Variants in CELSR1 observed in about 807,000 individuals in gnomAD.
The protein encoded by CELSR1 is adhesion G protein-coupled receptor C1.
Under a neutral mutation model 249.1 loss-of-function variants are expected in CELSR1, and 110 were observed. The observed-to-expected ratio is 0.44, with a 90% CI of 0.38 to 0.52. The LOEUF (loss-of-function observed/expected upper bound fraction) is 0.52, where lower values mean the gene tolerates loss of function less well. Among genes scored for constraint, CELSR1 ranks in the 20% least tolerant of loss-of-function variants. The pLI, the probability that CELSR1 is intolerant of heterozygous loss-of-function variation, is 0.00. For missense variants in CELSR1, 4,109 were observed against 4,296.4 expected, an observed-to-expected ratio of 0.96 and a Z score of 1.22; for synonymous variants, 2,113 against 1,900.0, an observed-to-expected ratio of 1.11 and a Z score of -2.92.
In CELSR1 at chr22:46,437,923, T is replaced by G. The variant is rs369487161; in HGVS notation, c.4406+1266A>C. Among the ~76,000 whole-genome samples the G allele has an allele frequency of 9.9e-5, 15 of 152,268 alleles. No homozygotes were observed. The East Asian group carries it at 2.5e-3, about 25-fold the overall frequency. On this transcript the variant is annotated intron_variant, in intron 3 of 34. Coordinates refer to ENST00000674500, the MANE Select transcript of CELSR1 (RefSeq NM_001378328.1). The surrounding 1 kb of genome is among the most constrained non-coding windows in gnomAD (Gnocchi z 4.9). ...CTTAATGACGACGGGACCAACTCAG[T>G]GCAGGCTTGTTTCCTGAGACTCAGC... is the stretch of plus-strand genomic sequence containing the variant.
Position 46,398,425 on chromosome 22 carries a change from A to T in CELSR1, c.5526+99T>A, listed in dbSNP as rs149547439. On this transcript the variant is annotated intron_variant, in intron 11 of 34. Transcript: ENST00000674500. This position sits in a 1 kb window ranked among gnomAD's most constrained non-coding sequence, Gnocchi z 7.2. ...TCAGACAAATTCTTCACTCGTTGAA[A>T]GCTAACAGGTTGACCAACGGAACCA... 95 of 752,058 alleles carry T rather than the reference A, an allele frequency of 1.3e-4. No homozygotes were observed. The Middle Eastern group carries it at 1.6e-3, about 13-fold the overall frequency. The allele number at this position is 752,058 out of a possible 1,614,324, so 46.6% of individuals were successfully genotyped here.
At position 46,468,367 on chromosome 22, in the gene CELSR1, C is replaced by T. The variant is rs966389036; in HGVS notation, c.3545-4022G>A. ...TACCACTGCACTCCAGCCTGGGCAACAAAGCAAGACTCTGTCTCAAAAAAA... is the reference window on the plus strand; with the variant it reads ...TACCACTGCACTCCAGCCTGGGCAATAAAGCAAGACTCTGTCTCAAAAAAA... On this transcript the variant is annotated intron_variant, in intron 1 of 34. Coordinates refer to ENST00000674500, the MANE Select transcript of CELSR1 (RefSeq NM_001378328.1). The surrounding 1 kb of genome is among the most constrained non-coding windows in gnomAD (Gnocchi z 4.5). 2.0e-4 allele frequency among the ~76,000 whole-genome samples: 26 copies of T among 132,634 alleles called. No individual in the cohort carries two copies. The highest frequency in any genetic ancestry group is 7.0e-4 in the African/African-American group (24 of 34,420). The allele number at this position is 132,634 out of a possible 152,430, so 87.0% of individuals were successfully genotyped here.
intron 20 of CELSR1, among the ~76,000 whole-genome samples, chr22:46,382,988 T>C (rs2078995593): frequency 6.6e-6 from 1 of 152,244 alleles, no homozygotes; most frequent in African/African-American, 2.4e-5. Context: ...TGATGCAGTT[T>C]GGATGTGTGG....
chr22:46,409,826 G>A lies in CELSR1; in HGVS notation c.4988C>T (p.Thr1663Ile). Residue 1663 changes from threonine (T) to isoleucine (I), a missense_variant, in exon 8 of 35, where the codon ACC becomes ATC. By Grantham distance (89) the Thr-to-Ile change is moderately conservative (BLOSUM62 -1). This residue lies in a region of CELSR1 where 453 missense variants were observed against 492.0 expected (regional missense o/e 0.92). Transcript: ENST00000674500. This position sits in a 1 kb window ranked among gnomAD's most constrained non-coding sequence, Gnocchi z 9.8. ...CDGRRCQNGG[T>I]CVNRWNMYLC... ...ATACATATTCCACCTGTTGACACAG[G>A]TGCCTCCATTCTGACACCGCCTCCC... The A allele has an allele frequency of 6.2e-7, 1 of 1,613,984 alleles. No individual in the cohort carries two copies. Among genetic ancestry groups the A allele is most frequent in the Non-Finnish European group, 8.5e-7 (1 of 1,180,028 alleles).
At chr22:46,507,103 T>C (rs1476936331) in intron 1 of CELSR1, among the ~76,000 whole-genome samples, 1 of 152,090 alleles carries the variant, frequency 6.6e-6, no homozygotes, top group East Asian at 1.9e-4. Flanking sequence ...GGAGGATCGC[T>C]TGAACCAGGG....
chr22:46,420,429 C>T (rs1378194763), intron 5 of CELSR1, among the ~76,000 whole-genome samples: 1 of 152,162 alleles, frequency 6.6e-6, no homozygotes, highest in Admixed American at 6.5e-5. Context: ...CACACGTGCA[C>T]ACACCCACAC....
chr22:46,368,042 G>A (rs555549973), intron 27 of CELSR1, among the ~76,000 whole-genome samples, 187 bp from the exon 28 acceptor site: 7 of 152,302 alleles, frequency 4.6e-5, no homozygotes, highest in African/African-American at 1.2e-4. Flanking sequence ...GACTCATCCG[G>A]GAACCAGACA....
chr22:46,381,958 G>A lies in CELSR1; in HGVS notation c.6976C>T (p.Arg2326Trp), dbSNP rs375174521. Residue 2326 changes from arginine (R) to tryptophan (W), a missense_variant, in exon 21 of 35, where the codon CGG (arginine) becomes TGG (tryptophan). Arg to Trp is a moderately radical substitution (Grantham distance 101). Transcript: ENST00000674500. This position sits in a 1 kb window ranked among gnomAD's most constrained non-coding sequence, Gnocchi z 6.0. Reference protein sequence around the residue: ...GTEREAPISRRRRHPDDAGQF... With the variant: ...GTEREAPISRWRRHPDDAGQF... Reference sequence around the variant, plus strand: ...CCAGCGTCATCAGGGTGTCGCCTCCGCCTGCTGATCGGGGCCTCCCTCTCG... The same window carrying A: ...CCAGCGTCATCAGGGTGTCGCCTCCACCTGCTGATCGGGGCCTCCCTCTCG... 9.0e-5 allele frequency: 141 copies of A among 1,564,742 alleles called. No individual in the cohort carries two copies. The highest frequency in any genetic ancestry group is 1.3e-4 in the Admixed American group (7 of 53,880).
In CELSR1 at chr22:46,410,362, C is replaced by G; in HGVS notation, c.4933+36G>C. On this transcript the variant is annotated intron_variant, in intron 7 of 34. Transcript: ENST00000674500. The surrounding 1 kb of genome is among the most constrained non-coding windows in gnomAD (Gnocchi z 6.8). ...GCTGCCGACGTCCAGCCAGATGCCACTGCGGCAGCTCCGACGCCCTGACGG... is the reference window on the plus strand; with the variant it reads ...GCTGCCGACGTCCAGCCAGATGCCAGTGCGGCAGCTCCGACGCCCTGACGG... The G allele has an allele frequency of 6.3e-7, 1 of 1,599,520 alleles. No individual in the cohort carries two copies. The highest frequency in any genetic ancestry group is 8.6e-7 in the Non-Finnish European group (1 of 1,169,040).
In CELSR1 at chr22:46,536,418, C is replaced by CTGG. The variant is rs1443022196; in HGVS notation, c.750_752dup (p.Tyr250_Gln251insHis). 2 of 1,612,436 alleles carry CTGG rather than the reference C, an allele frequency of 1.2e-6. No individual in the cohort carries two copies. Among genetic ancestry groups the CTGG allele is most frequent in the Non-Finnish European group, 1.7e-6 (2 of 1,179,686 alleles). ...CCGGTTCGTTCTCAAACAACGCCAC[C>CTGG]TGGTAGTTGGGCATCGGAAACTTCA... On this transcript the variant is annotated inframe_insertion, in exon 1 of 35. Transcript: ENST00000674500.
chr22:46,391,166 C>G lies in CELSR1; in HGVS notation c.6250+20G>C. On this transcript the variant is annotated intron_variant, in intron 16 of 34. Coordinates refer to ENST00000674500, the MANE Select transcript of CELSR1 (RefSeq NM_001378328.1). The surrounding 1 kb of genome is among the most constrained non-coding windows in gnomAD (Gnocchi z 4.3). ...AGGACGCCTGCCTCAGTTCCCTACA[C>G]ACAGGCCACGGCGACTCACCAACGG... 1 of 1,602,730 alleles carries G rather than the reference C, an allele frequency of 6.2e-7. No homozygotes were observed. Among genetic ancestry groups the G allele is most frequent in the East Asian group, 2.2e-5 (1 of 44,644 alleles).
At position 46,433,597 on chromosome 22, in the gene CELSR1, C is replaced by T; in HGVS notation, c.4523-116G>A. On this transcript the variant is annotated intron_variant, in intron 4 of 34. Transcript: ENST00000674500. This position sits in a 1 kb window ranked among gnomAD's most constrained non-coding sequence, Gnocchi z 5.7. ...ACAGGTGCACATGGCCACGTCCTCC[C>T]TCCCCTCCCCACGGCACCATGGTGG... 2.9e-6 allele frequency: 2 copies of T among 693,812 alleles called. No individual in the cohort carries two copies. Among genetic ancestry groups the T allele is most frequent in the Non-Finnish European group, 5.0e-6 (2 of 396,818 alleles). 43.0% of individuals were successfully genotyped at this position (693,812 alleles called of 1,614,324 possible).
At chr22:46,438,357 G>GC (rs528297301) in intron 3 of CELSR1, among the ~76,000 whole-genome samples, 6 of 151,916 alleles carry the variant, frequency 3.9e-5, no homozygotes, top group Admixed American at 3.9e-4. Flanking sequence ...GCAGCTAGGC[G>GC]CCCCCCAACC....
rs1194671574 is a variant in CELSR1, at chr22:46,481,560, C to T, written c.3545-17215G>A. On this transcript the variant is annotated intron_variant, in intron 1 of 34. Coordinates refer to ENST00000674500, the MANE Select transcript of CELSR1 (RefSeq NM_001378328.1). ...TGGTGATCAAAGCCTGGGCTTAAGC[C>T]AGAGGCACATGGTGGCACTCGATGC... The T allele has an allele frequency of 6.3e-6, 7 of 1,115,032 alleles. No homozygotes were observed. In the African/African-American group the frequency reaches 1.1e-4, roughly 17 times the overall value. 69.1% of individuals were successfully genotyped at this position (1,115,032 alleles called of 1,614,324 possible).
At chr22:46,389,835 G>A (rs2079070267) in intron 17 of CELSR1, among the ~76,000 whole-genome samples, 1 of 150,300 alleles carries the variant, frequency 6.7e-6, no homozygotes, top group Non-Finnish European at 1.5e-5. Flanking sequence ...GCACCTGTAA[G>A]TCCCAACTAC....
At chr22:46,523,170 A>T (rs1441899793) in intron 1 of CELSR1, among the ~76,000 whole-genome samples, 1 of 152,220 alleles carries the variant, frequency 6.6e-6, no homozygotes, top group East Asian at 1.9e-4. Flanking sequence ...ATTAGATATG[A>T]ACAAAAATCC....
rs2078722118 is a variant in CELSR1, at chr22:46,362,971, T to G, written c.*252A>C. 2 of 656,212 alleles carry G rather than the reference T, an allele frequency of 3.0e-6. No individual in the cohort carries two copies. The highest frequency in any genetic ancestry group is 5.2e-6 in the Non-Finnish European group (2 of 385,150). The allele number at this position is 656,212 out of a possible 1,614,324, so 40.6% of individuals were successfully genotyped here. On this transcript the variant is annotated 3_prime_UTR_variant, in exon 35 of 35. Coordinates refer to ENST00000674500, the MANE Select transcript of CELSR1 (RefSeq NM_001378328.1). ...GGCCCAGTGGTCCACGCCTCCCTCATGCCTGTGGCCTTTGGCACTTGTCAC... is the reference window on the plus strand; with the variant it reads ...GGCCCAGTGGTCCACGCCTCCCTCAGGCCTGTGGCCTTTGGCACTTGTCAC...
chr22:46,526,033 G>A lies in CELSR1; in HGVS notation c.3544+7594C>T, dbSNP rs2080735321. 6.6e-6 allele frequency among the ~76,000 whole-genome samples: 1 copy of A among 152,214 alleles called. No homozygotes were observed. The highest frequency in any genetic ancestry group is 6.5e-5 in the Admixed American group (1 of 15,290). ...TTTAAAAATGGTCTCTCAACACCCT[G>A]GTCGGTACATGGGGCCAGACATAGA... On this transcript the variant is annotated intron_variant, in intron 1 of 34. Transcript: ENST00000674500. This position sits in a 1 kb window ranked among gnomAD's most constrained non-coding sequence, Gnocchi z 4.7.
intron 1 of CELSR1, among the ~76,000 whole-genome samples, chr22:46,522,281 A>G (rs2080694025): frequency 6.6e-6 from 1 of 152,128 alleles, no homozygotes; most frequent in African/African-American, 2.4e-5. Context: ...TCATGCTACC[A>G]CACCCAGCTA....
Sources: allele counts gnomAD v4.1 joint callset (sites outside exome capture counted in the v4.1 genomes callset), GRCh38; gene constraint gnomAD v4.1.1; regional missense constraint gnomAD v4.1.1; non-coding constraint Gnocchi (gnomAD v3.1); transcripts MANE v1.5; gene names NCBI Gene and HGNC (gene_info 2026-07-23, HGNC 2026-07-21).